The following ARL8A variants were observed in gnomAD, a reference collection of about 807,000 sequenced individuals.
ARL8A encodes the protein ARF like GTPase 8A, also known as ADP-ribosylation factor-like protein 8A.
In ARL8A, 10 loss-of-function variants were observed where a neutral mutation model predicts 31.2. The ratio of observed to expected loss-of-function variants is 0.32; its 90% CI spans 0.20 to 0.54. ARL8A has a LOEUF of 0.54. Among genes scored for constraint, ARL8A ranks in the 20% least tolerant of loss-of-function variants. ARL8A has a pLI of 0.93. For synonymous variants in ARL8A, 70 were observed against 86.9 expected, an observed-to-expected ratio of 0.81 and a Z score of 1.08; for missense variants, 129 against 242.8, an observed-to-expected ratio of 0.53 and a Z score of 3.12.
In ARL8A at chr1:202,134,259, A is replaced by G; in HGVS notation, c.*208T>C. On this transcript the variant is annotated 3_prime_UTR_variant, in exon 7 of 7. Transcript: ENST00000272217. This position sits in a 1 kb window ranked among gnomAD's most constrained non-coding sequence, Gnocchi z 4.2. The stretch of plus-strand genomic sequence containing the variant: ...ACAAAGGCAGCGGGGAAGGGTGAGA[A>G]GTTAGGGGACCAGAATGGGGGGCAA... 1 of 556,828 alleles carries G rather than the reference A, an allele frequency of 1.8e-6. No individual in the cohort carries two copies. Among genetic ancestry groups the G allele is most frequent in the Non-Finnish European group, 3.2e-6 (1 of 310,328 alleles). The allele number at this position is 556,828 out of a possible 1,614,324, so 34.5% of individuals were successfully genotyped here.
chr1:202,140,296 ATTT>A (rs77654638), intron 1 of ARL8A, among the ~76,000 whole-genome samples: 7,663 of 137,624 alleles, frequency 0.056, 255 homozygotes, highest in Non-Finnish European at 0.082. Context: ...TGCCTAGCTA[ATTT>A]TTTTTTTTTT....
Position 202,133,585 on chromosome 1 carries a change from A to G in ARL8A, c.*882T>C, listed in dbSNP as rs1304908375. Reference sequence around the variant, plus strand: ...AAACAAATAAACAAACAGAACCCAAAGAACCAACCCCCCATGCTGAGTTCT... The same window carrying G: ...AAACAAATAAACAAACAGAACCCAAGGAACCAACCCCCCATGCTGAGTTCT... On this transcript the variant is annotated 3_prime_UTR_variant, in exon 7 of 7. Transcript: ENST00000272217. The G allele has an allele frequency of 6.6e-6, 1 of 152,256 alleles. No individual in the cohort carries two copies. The highest frequency in any genetic ancestry group is 6.5e-5 in the Admixed American group (1 of 15,284). The allele number at this position is 152,256 out of a possible 1,614,324, so 9.4% of individuals were successfully genotyped here.
Position 202,135,464 on chromosome 1 carries a change from C to T in ARL8A, c.435G>A (p.Glu145=), listed in dbSNP as rs1190132651. 1 of 1,614,036 alleles carries T rather than the reference C, an allele frequency of 6.2e-7. No individual in the cohort carries two copies. Among genetic ancestry groups the T allele is most frequent in the African/African-American group, 1.3e-5 (1 of 75,006 alleles). ...TATAGAGTCACCCAACTCACATTTT[C>T]TCAATCAGCTCCTTCTCATCCAATG... ...PGALDEKELI[E]KMNLSAIQDR... is the part of the protein sequence containing the mutation. Residue 145 remains glutamate, a synonymous_variant, in exon 5 of 7, where the codon GAG becomes GAA. Transcript: ENST00000272217. This position sits in a 1 kb window ranked among gnomAD's most constrained non-coding sequence, Gnocchi z 5.3.
chr1:202,135,245 G>A lies in ARL8A; in HGVS notation c.441-25C>T, dbSNP rs1654971992. On this transcript the variant is annotated intron_variant, in intron 5 of 6. Transcript: ENST00000272217. This position sits in a 1 kb window ranked among gnomAD's most constrained non-coding sequence, Gnocchi z 5.3. ...CCTGGGGGAAACCAGAGTAGAGTCC[G>A]CTGAGGCTACGAACGTCCAGGGGGC... The A allele has an allele frequency of 8.7e-6, 14 of 1,607,274 alleles. No homozygotes were observed. The East Asian group carries it at 3.1e-4, about 36-fold the overall frequency.
chr1:202,141,052 T>C (rs1655154580), intron 1 of ARL8A, among the ~76,000 whole-genome samples: 1 of 152,162 alleles, frequency 6.6e-6, no homozygotes, highest in Non-Finnish European at 1.5e-5. Context: ...GGCTACCAAG[T>C]AAATGAGAAG....
At chr1:202,141,650 A>G (rs547443262) in intron 1 of ARL8A, among the ~76,000 whole-genome samples, 5 of 150,492 alleles carry the variant, frequency 3.3e-5, no homozygotes, top group East Asian at 3.9e-4. Context: ...CTCAAAAAAA[A>G]AAAAGAAAAA....
intron 1 of ARL8A, among the ~76,000 whole-genome samples, chr1:202,139,878 C>A (rs1047416766): frequency 6.6e-6 from 1 of 151,832 alleles, no homozygotes; most frequent in Non-Finnish European, 1.5e-5. Context: ...GAACTCCTGA[C>A]CTCAAGTGAT....
rs563719761 is a variant in ARL8A at position 202,137,365 on chromosome 1, G to A, written c.278+600C>T. ...TAAAAAGCAAGAGAGGGCTGCGCGC[G>A]GTGGCTCATGCATGTAATTTGGGAG... On this transcript the variant is annotated intron_variant, in intron 3 of 6. Transcript: ENST00000272217. Among the ~76,000 whole-genome samples the A allele has an allele frequency of 2.6e-4, 40 of 152,124 alleles. No homozygotes were observed. The South Asian group carries it at 5.2e-3, about 20-fold the overall frequency.
At chr1:202,136,383 G>A (rs948601931) in intron 3 of ARL8A, among the ~76,000 whole-genome samples, 2 of 151,938 alleles carry the variant, frequency 1.3e-5, no homozygotes, top group African/African-American at 2.4e-5. Context: ...AGGTTCAAGC[G>A]ATTCTCCTGC....
chr1:202,134,158 G>T lies in ARL8A; in HGVS notation c.*309C>A. 2.3e-6 allele frequency: 1 copy of T among 430,856 alleles called. No individual in the cohort carries two copies. Among genetic ancestry groups the T allele is most frequent in the Non-Finnish European group, 4.3e-6 (1 of 233,512 alleles). 26.7% of individuals were successfully genotyped at this position (430,856 alleles called of 1,614,324 possible). The stretch of plus-strand genomic sequence containing the variant: ...GAGAGTGTTGAAAAGGGAGGTACAA[G>T]AGCGGGCCGGGGAAAAGCCAGGGGC... On this transcript the variant is annotated 3_prime_UTR_variant, in exon 7 of 7. Transcript: ENST00000272217. This position sits in a 1 kb window ranked among gnomAD's most constrained non-coding sequence, Gnocchi z 4.2.
Position 202,138,319 on chromosome 1 carries a change from ACACAC to A in ARL8A, c.204+44_204+48del. The A allele has an allele frequency of 6.4e-7, 1 of 1,555,000 alleles. No homozygotes were observed. Among genetic ancestry groups the A allele is most frequent in the Non-Finnish European group, 8.9e-7 (1 of 1,127,618 alleles). ...AACACACACACACACACACACACAC[ACACAC>A]ACAAAAACAGTCCTCTGCACCCCCC... On this transcript the variant is annotated intron_variant, in intron 2 of 6. Transcript: ENST00000272217. The surrounding 1 kb of genome is among the most constrained non-coding windows in gnomAD (Gnocchi z 4.4).
chr1:202,142,599 G>A (rs144256022), intron 1 of ARL8A, among the ~76,000 whole-genome samples: 14 of 152,312 alleles, frequency 9.2e-5, no homozygotes, highest in Non-Finnish European at 1.3e-4. Context: ...ATGTGCCAGC[G>A]GAAGTGGCAA....
chr1:202,136,311 C>T (rs890910578), intron 3 of ARL8A, among the ~76,000 whole-genome samples: 5 of 152,256 alleles, frequency 3.3e-5, no homozygotes, highest in South Asian at 2.1e-4. Context: ...GATGGAGTCT[C>T]GCTCTGTTGC....
rs537147335 is a variant in ARL8A at position 202,143,581 on chromosome 1, C to A, written c.123+869G>T. ...GCCATTACGGCAGCCTCAGCTCACA[C>A]CCATGGAGCTCATCTTCCCCTTTTT... On this transcript the variant is annotated intron_variant, in intron 1 of 6. Coordinates refer to ENST00000272217, the MANE Select transcript of ARL8A (RefSeq NM_138795.4). Among the ~76,000 whole-genome samples the A allele has an allele frequency of 2.0e-5, 3 of 152,348 alleles. No homozygotes were observed. The East Asian group carries it at 5.8e-4, about 29-fold the overall frequency.
In ARL8A at chr1:202,140,605, CA is replaced by C. The variant is rs1468744936; in HGVS notation, c.124-2158del. On this transcript the variant is annotated intron_variant, in intron 1 of 6. Coordinates refer to ENST00000272217, the MANE Select transcript of ARL8A (RefSeq NM_138795.4). ...CCCCTGAACCCCCTGAAACTGTACA[CA>C]ATCTGTGTGTGTGCAAAGTTTTGTT... 2.8e-4 allele frequency among the ~76,000 whole-genome samples: 43 copies of C among 152,320 alleles called. 1 individual carries two copies. The highest frequency in any genetic ancestry group is 9.6e-4 in the African/African-American group (40 of 41,572).
At position 202,143,349 on chromosome 1, in the gene ARL8A, C is replaced by A. The variant is rs185856260; in HGVS notation, c.123+1101G>T. ...TCTTCTGCAAGGTGGGGCAACAACACGGACAGGTAGAGGTACCTAGGCCGG... is the reference window on the plus strand; with the variant it reads ...TCTTCTGCAAGGTGGGGCAACAACAAGGACAGGTAGAGGTACCTAGGCCGG... On this transcript the variant is annotated intron_variant, in intron 1 of 6. Coordinates refer to ENST00000272217, the MANE Select transcript of ARL8A (RefSeq NM_138795.4). Among the ~76,000 whole-genome samples the A allele has an allele frequency of 6.8e-3, 1,031 of 152,306 alleles. 46 individuals are homozygous for A. The highest frequency in any genetic ancestry group is 0.059 in the Admixed American group (907 of 15,306).
chr1:202,139,594 C>T, intron 1 of ARL8A, among the ~76,000 whole-genome samples: 1 of 144,370 alleles, frequency 6.9e-6, no homozygotes, highest in Non-Finnish European at 1.5e-5. Flanking sequence ...AAAGATGAGG[C>T]TCATTCAACA....
At chr1:202,143,767 C>A (rs1313765453) in intron 1 of ARL8A, among the ~76,000 whole-genome samples, 1 of 152,236 alleles carries the variant, frequency 6.6e-6, no homozygotes, top group Non-Finnish European at 1.5e-5. Context: ...AGCACCTGCT[C>A]CTGCAAACTT....
At chr1:202,139,500 G>A (rs1270255938) in intron 1 of ARL8A, among the ~76,000 whole-genome samples, 2 of 151,578 alleles carry the variant, frequency 1.3e-5, no homozygotes, top group African/African-American at 2.4e-5. Context: ...TTGAACCCAG[G>A]AGGTGGAGGT....
Sources: allele counts gnomAD v4.1 joint callset (sites outside exome capture counted in the v4.1 genomes callset), GRCh38; gene constraint gnomAD v4.1.1; non-coding constraint Gnocchi (gnomAD v3.1); transcripts MANE v1.5; gene names NCBI Gene and HGNC (gene_info 2026-07-23, HGNC 2026-07-21).